The following TLK2 variants were observed in gnomAD, a reference collection of about 807,000 sequenced individuals.
The protein encoded by TLK2 is tousled like kinase 2.
Under a neutral mutation model 117.3 loss-of-function variants are expected in TLK2, and 6 were observed. The ratio of observed to expected loss-of-function variants is 0.05; its 90% CI spans 0.03 to 0.10. The LOEUF is 0.10. Among genes scored for constraint, TLK2 ranks in the 10% least tolerant of loss-of-function variants. The probability of loss-of-function intolerance (pLI) is 1.00; values close to 1 mark genes in which losing one functional copy is unlikely to be tolerated. For missense variants in TLK2, 299 were observed against 901.2 expected (o/e 0.33, Z 8.56); for synonymous variants, 257 against 316.7 (o/e 0.81, Z 2.00).
intron 7 of TLK2, among the ~76,000 whole-genome samples, chr17:62,543,088 G>C (rs2077654116): frequency 6.6e-6 from 1 of 152,086 alleles, no homozygotes; most frequent in South Asian, 2.1e-4. Context: ...TTACTAATGA[G>C]GCTTTTAAAT....
At position 62,612,222 on chromosome 17, in the gene TLK2, C is replaced by T. The variant is rs143180744; in HGVS notation, c.2080-170C>T. On this transcript the variant is annotated intron_variant, in intron 21 of 21. Transcript: ENST00000346027. Reference sequence around the variant, plus strand: ...GAGAGGTACTTCTGTTGGTGCTTCTCCTTCCCTTGTGTTCTTTGGGTCTGC... The same window carrying T: ...GAGAGGTACTTCTGTTGGTGCTTCTTCTTCCCTTGTGTTCTTTGGGTCTGC... The T allele has an allele frequency of 2.4e-3, 1,454 of 604,274 alleles. 21 individuals are homozygous for T. The highest frequency in any genetic ancestry group is 0.021 in the East Asian group (686 of 32,994). The allele number at this position is 604,274 out of a possible 1,614,324, so 37.4% of individuals were successfully genotyped here.
At chr17:62,536,873 T>C (rs2077150265) in intron 7 of TLK2, among the ~76,000 whole-genome samples, 1 of 152,260 alleles carries the variant, frequency 6.6e-6, no homozygotes, top group African/African-American at 2.4e-5. Context: ...ACCTGTTCGC[T>C]CCTTTCAGCT....
intron 10 of TLK2, among the ~76,000 whole-genome samples, chr17:62,563,589 A>G (rs2079476810): frequency 1.3e-5 from 2 of 152,238 alleles, no homozygotes. Flanking sequence ...TAGACAGGAC[A>G]TCTCAAGGAC....
chr17:62,583,779 A>C (rs1236203403), intron 15 of TLK2, among the ~76,000 whole-genome samples: 1 of 151,458 alleles, frequency 6.6e-6, no homozygotes, highest in Non-Finnish European at 1.5e-5. Context: ...GGGTTTTACT[A>C]TGTTGGCTAG....
Position 62,612,471 on chromosome 17 carries a change from T to C in TLK2, c.2159T>C (p.Leu720Ser), listed in dbSNP as rs764368757. ...CAGCTGGCCTGTGATCCCTACTTGTTGCCTCACATCCGAAAGTCAGTCTCT... is the reference window on the plus strand; with the variant it reads ...CAGCTGGCCTGTGATCCCTACTTGTCGCCTCACATCCGAAAGTCAGTCTCT... ...VQQLACDPYL[L>S]PHIRKSVSTS... Residue 720 changes from leucine to serine, a missense_variant, in exon 22 of 22, where the codon TTG becomes TCG. By Grantham distance (145) the Leu-to-Ser change is moderately radical. Transcript: ENST00000346027. 6 of 1,614,108 alleles carry C rather than the reference T, an allele frequency of 3.7e-6. No individual in the cohort carries two copies. The highest frequency in any genetic ancestry group is 5.1e-6 in the Non-Finnish European group (6 of 1,180,044).
At chr17:62,584,107 GTTTTTTTTTTTTTTTT>G (rs572000997) in intron 15 of TLK2, among the ~76,000 whole-genome samples, 8 of 78,526 alleles carry the variant, frequency 1.0e-4, no homozygotes, top group African/African-American at 4.1e-4. Flanking sequence ...TTCTTTTGTG[GTTTTTTTTTTTTTTTT>G]TTTTTTTTTG....
intron 3 of TLK2, among the ~76,000 whole-genome samples, chr17:62,521,899 G>A (rs1174560306): frequency 1.3e-5 from 2 of 152,082 alleles, no homozygotes; most frequent in African/African-American, 4.8e-5. Flanking sequence ...AACATATGGT[G>A]GACATTTGTC....
intron 10 of TLK2, 151 bp from the exon 11 acceptor site, chr17:62,564,850 A>T: frequency 1.1e-6 from 1 of 881,484 alleles, no homozygotes; most frequent in Non-Finnish European, 1.6e-6. Flanking sequence ...AGGAATAGTT[A>T]GTCATCCGAG....
At chr17:62,525,132 A>G (rs1157656268) in intron 6 of TLK2, among the ~76,000 whole-genome samples, 1 of 152,186 alleles carries the variant, frequency 6.6e-6, no homozygotes, top group Non-Finnish European at 1.5e-5. Context: ...TCTATCCCCT[A>G]ATACCTTAGG....
In TLK2 at chr17:62,612,719, C is replaced by T; in HGVS notation, c.*154C>T. 1 of 705,052 alleles carries T rather than the reference C, an allele frequency of 1.4e-6. No homozygotes were observed. Among genetic ancestry groups the T allele is most frequent in the East Asian group, 3.2e-5 (1 of 30,992 alleles). The allele number at this position is 705,052 out of a possible 1,614,324, so 43.7% of individuals were successfully genotyped here. On this transcript the variant is annotated 3_prime_UTR_variant, in exon 22 of 22. Coordinates refer to ENST00000346027, the MANE Select transcript of TLK2 (RefSeq NM_006852.6). ...CTTTTTTCCCATCCATAGAGCATGA[C>T]AGCATCGATTCTCATTGAGGAGAAA... is the stretch of plus-strand genomic sequence containing the variant.
intron 20 of TLK2, 32 bp downstream of exon 20, chr17:62,606,273 C>T (rs1398021178): frequency 7.0e-7 from 1 of 1,424,374 alleles, no homozygotes. Context: ...GAAGCTTGAT[C>T]TCTTTCTTGG....
At chr17:62,528,530 C>T (rs2076528445) in intron 6 of TLK2, among the ~76,000 whole-genome samples, 1 of 152,128 alleles carries the variant, frequency 6.6e-6, no homozygotes, top group South Asian at 2.1e-4. Flanking sequence ...GATTCTCCTG[C>T]CTCAGCCTCC....
At chr17:62,495,781 C>A (rs1295879954) in intron 2 of TLK2, among the ~76,000 whole-genome samples, 1 of 151,470 alleles carries the variant, frequency 6.6e-6, no homozygotes, top group African/African-American at 2.4e-5. Flanking sequence ...GTCTCAGCCT[C>A]CCGAGTAGCT....
At chr17:62,533,990 T>C (rs1437427829) in intron 6 of TLK2, among the ~76,000 whole-genome samples, 1 of 152,184 alleles carries the variant, frequency 6.6e-6, no homozygotes, top group Non-Finnish European at 1.5e-5. Flanking sequence ...AACTTATATA[T>C]CTATATTATA....
At chr17:62,563,406 G>A (rs938233423) in intron 10 of TLK2, among the ~76,000 whole-genome samples, 2 of 152,092 alleles carry the variant, frequency 1.3e-5, no homozygotes, top group African/African-American at 2.4e-5. Flanking sequence ...TTGCACTGCT[G>A]CACTCCAGCC....
chr17:62,529,967 C>T (rs957611774), intron 6 of TLK2, among the ~76,000 whole-genome samples: 6 of 151,950 alleles, frequency 3.9e-5, no homozygotes, highest in Non-Finnish European at 5.9e-5. Flanking sequence ...GACCTGGGGA[C>T]CCACGTGGGA....
chr17:62,572,928 T>A, intron 11 of TLK2: 2 of 246,466 alleles, frequency 8.1e-6, no homozygotes, highest in Non-Finnish European at 7.8e-6. Context: ...AGAAAATTGT[T>A]CCTTCTGAGT....
At chr17:62,499,914 G>A (rs1236255863) in intron 2 of TLK2, among the ~76,000 whole-genome samples, 1 of 151,512 alleles carries the variant, frequency 6.6e-6, no homozygotes, top group Non-Finnish European at 1.5e-5. Context: ...GTTCTCCAAA[G>A]TTTTATTTAT....
Position 62,521,394 on chromosome 17 carries a change from T to G in TLK2, c.153+550T>G, listed in dbSNP as rs139734720. Among the ~76,000 whole-genome samples, 211 of 152,262 alleles carry G rather than the reference T, an allele frequency of 1.4e-3. 2 individuals are homozygous for G. Among genetic ancestry groups the G allele is most frequent in the African/African-American group, 4.9e-3 (205 of 41,558 alleles). On this transcript the variant is annotated intron_variant, in intron 3 of 21. Transcript: ENST00000346027. ...TGTTTAAATGGAAGATAAAATTGAT[T>G]GACTGATTTTATTTTTACAACTTTT...
Sources: gnomAD v4.1 joint callset for allele counts (sites outside exome capture counted in the v4.1 genomes callset) on GRCh38, gnomAD v4.1.1 for gene constraint, MANE v1.5 for transcripts, NCBI Gene and HGNC (gene_info 2026-07-23, HGNC 2026-07-21) for gene names.